The following AGRN variants were observed in gnomAD, a reference collection of about 807,000 sequenced individuals.
AGRN encodes the protein agrin.
Under a neutral mutation model 211.0 loss-of-function variants are expected in AGRN, and 106 were observed. That is an observed-to-expected ratio of 0.50 (90% CI 0.43 to 0.59). AGRN has a LOEUF of 0.59. Ranked by LOEUF, AGRN falls within the 20% of genes least tolerant of loss-of-function variation. The pLI, the probability that AGRN is intolerant of heterozygous loss-of-function variation, is 0.00. For synonymous variants in AGRN, 1,525 were observed against 1,332.5 expected (o/e 1.14, Z -3.15); for missense variants, 3,040 against 2,982.6 (o/e 1.02, Z -0.45).
chr1:1,035,171 G>T (rs80124228), intron 2 of AGRN, 106 bp from the exon 3 acceptor site: 9,709 of 53,724 alleles, frequency 0.18, 62 homozygotes, highest in South Asian at 0.39. Flanking sequence ...GCTAGCGGTG[G>T]GGGGGGGGGG....
At chr1:1,035,182 G>A in intron 2 of AGRN, 95 bp from the exon 3 acceptor site, 3 of 937,876 alleles carry the variant, frequency 3.2e-6, no homozygotes, top group East Asian at 3.6e-5. Context: ...GGGGGGGGGG[G>A]TGGGCAGGGG....
chr1:1,043,444 C>A lies in AGRN; in HGVS notation c.1590C>A (p.Arg530=), dbSNP rs1209446158. The A allele has an allele frequency of 6.2e-7, 1 of 1,606,772 alleles. No homozygotes were observed. Among genetic ancestry groups the A allele is most frequent in the Admixed American group, 1.7e-5 (1 of 59,674 alleles). Reference sequence around the variant, plus strand: ...TCGGGCGGGAGATCCAGGTGGCGCGCAAAGGACCCTGTGGTCAGTGGCGGG... The same window carrying A: ...TCGGGCGGGAGATCCAGGTGGCGCGAAAAGGACCCTGTGGTCAGTGGCGGG... ...CTLGREIQVA[R]KGPCDRCGQC... The change falls in exon 8 of 36, where the codon CGC becomes CGA. Residue 530 remains arginine (R), a synonymous_variant. Coordinates refer to ENST00000379370, the MANE Select transcript of AGRN (RefSeq NM_198576.4).
rs148157593 is a variant in AGRN, at chr1:1,035,284, C to G, written c.471C>G (p.Pro157=). 3 of 1,612,910 alleles carry G rather than the reference C, an allele frequency of 1.9e-6. No individual in the cohort carries two copies. The highest frequency in any genetic ancestry group is 1.3e-5 in the African/African-American group (1 of 74,888). ...GGATTTGTTTTCTTCCAGATAAACCCGGGACCCACTTCACTCCAGTGCCTC... is the reference window on the plus strand; with the variant it reads ...GGATTTGTTTTCTTCCAGATAAACCGGGGACCCACTTCACTCCAGTGCCTC... ...EEVEFCVEDK[P]GTHFTPVPPT... Residue 157 remains proline (P), a synonymous_variant, in exon 3 of 36, where the codon CCC becomes CCG. Transcript: ENST00000379370.
intron 2 of AGRN, among the ~76,000 whole-genome samples, chr1:1,022,925 G>C (rs1207388194): frequency 6.6e-6 from 1 of 152,258 alleles, no homozygotes; most frequent in Admixed American, 6.5e-5. Flanking sequence ...TGGAGGGTGT[G>C]GCATTTGCCA....
rs1645264004 is a variant in AGRN, at chr1:1,050,852, C to T, written c.5253+15C>T. 1.3e-6 allele frequency: 2 copies of T among 1,543,238 alleles called. No homozygotes were observed. The highest frequency in any genetic ancestry group is 1.9e-5 in the Admixed American group (1 of 51,558). On this transcript the variant is annotated intron_variant, in intron 30 of 35. Transcript: ENST00000379370. ...GGGAGTCCCCGGTGAGTGCTCTGGG[C>T]CGCGAGGGGACTCCCGCTGCTGCCT...
At chr1:1,029,587 G>A (rs538631692) in intron 2 of AGRN, among the ~76,000 whole-genome samples, 30 of 152,238 alleles carry the variant, frequency 2.0e-4, no homozygotes, top group Admixed American at 1.2e-3. Flanking sequence ...CCCATTGTGT[G>A]GCCGTGTGTG....
At chr1:1,047,504 T>C (rs746837566) in intron 20 of AGRN, 50 bp downstream of exon 20, 1 of 1,612,808 alleles carries the variant, frequency 6.2e-7, no homozygotes, top group East Asian at 2.2e-5. Context: ...CCTCCCCAGA[T>C]ACCCAGAGCA....
intron 3 of AGRN, 78 bp from the exon 4 acceptor site, chr1:1,040,587 C>T: frequency 6.7e-7 from 1 of 1,499,334 alleles, no homozygotes. Flanking sequence ...GGGCTGCGAG[C>T]ACGGCAAGGT....
intron 2 of AGRN, chr1:1,035,001 A>G: frequency 1.8e-6 from 1 of 546,452 alleles, no homozygotes; most frequent in Non-Finnish European, 3.3e-6. Flanking sequence ...CTTCCAGGGA[A>G]GGGGGTCCTG....
Position 1,044,239 on chromosome 1 carries a change from G to A in AGRN, c.2130G>A (p.Gln710=). The change falls in exon 11 of 36, where the codon CAG becomes CAA. Residue 710 remains glutamine, a synonymous_variant. Coordinates refer to ENST00000379370, the MANE Select transcript of AGRN (RefSeq NM_198576.4). The part of the protein sequence containing the change: ...DGPCVCDFSC[Q]SVPGSPVCGS... ...CGTGTGTCTGTGACTTCAGCTGCCA[G>A]AGTGTCCCAGGCAGCCCGGTGAGCT... 3 of 1,612,962 alleles carry A rather than the reference G, an allele frequency of 1.9e-6. No individual in the cohort carries two copies. Among genetic ancestry groups the A allele is most frequent in the Non-Finnish European group, 2.5e-6 (3 of 1,179,896 alleles).
rs781180196 is a variant in AGRN at position 1,041,501 on chromosome 1, G to C, written c.976G>C (p.Asp326His). 5 of 1,597,794 alleles carry C rather than the reference G, an allele frequency of 3.1e-6. No individual in the cohort carries two copies. The South Asian group carries it at 5.5e-5, about 18-fold the overall frequency. Residue 326 changes from aspartate to histidine, a missense_variant, in exon 6 of 36, where the codon GAC (aspartate) becomes CAC (histidine). Physicochemically the swap from Asp to His is moderately conservative, Grantham distance 81. Around this residue, in one of 3 missense-constraint regions of AGRN, gnomAD observed 1,498 missense variants for 1,457.8 expected, o/e 1.03. Transcript: ENST00000379370. ...AGACCCCTGTCAGGGCGCCCTCCCT[G>C]ACCCGAGCCGCAGCTGCCGTGTGAA... ...PCDPCQGALP[D>H]PSRSCRVNPR...
At position 1,046,885 on chromosome 1, in the gene AGRN, T is replaced by C; in HGVS notation, c.3316T>C (p.Tyr1106His). 2 of 1,586,442 alleles carry C rather than the reference T, an allele frequency of 1.3e-6. No homozygotes were observed. Among genetic ancestry groups the C allele is most frequent in the Non-Finnish European group, 1.7e-6 (2 of 1,167,878 alleles). Reference protein sequence around the residue: ...PGPPVERASCYNSALGCCSDG... With the variant: ...PGPPVERASCHNSALGCCSDG... ...GCCACCTGTCGAGAGGGCTTCCTGC[T>C]ACAACTCCGCGTTGGGCTGCTGCTC... Residue 1106 changes from tyrosine to histidine, a missense_variant, in exon 19 of 36, where the codon TAC becomes CAC. This residue lies in a region of AGRN where 1,537 missense variants were observed against 1,505.0 expected (regional missense o/e 1.02). Coordinates refer to ENST00000379370, the MANE Select transcript of AGRN (RefSeq NM_198576.4).
At chr1:1,027,299 T>A (rs2100578492) in intron 2 of AGRN, among the ~76,000 whole-genome samples, 1 of 152,358 alleles carries the variant, frequency 6.6e-6, no homozygotes, top group African/African-American at 2.4e-5. Context: ...TGTACCAGCC[T>A]GTGCACTTCA....
At chr1:1,034,565 C>T in intron 2 of AGRN, 1 of 986,572 alleles carries the variant, frequency 1.0e-6, no homozygotes, top group Non-Finnish European at 1.2e-6. Flanking sequence ...CATGCCTCCG[C>T]TGCCGCTGGC....
chr1:1,050,461 C>T lies in AGRN; in HGVS notation c.5011C>T (p.Arg1671Ter). 8 of 1,612,926 alleles carry T rather than the reference C, an allele frequency of 5.0e-6. No individual in the cohort carries two copies. Among genetic ancestry groups the T allele is most frequent in the Non-Finnish European group, 5.1e-6 (6 of 1,179,888 alleles). ...GGCGCTGGAGGTCGTGTTCCTGGCACGAGGCCCCAGCGGCCTCCTGCTCTA... is the reference window on the plus strand; with the variant it reads ...GGCGCTGGAGGTCGTGTTCCTGGCATGAGGCCCCAGCGGCCTCCTGCTCTA... ...KMALEVVFLA[R>*]GPSGLLLYNG... The change falls in exon 29 of 36, where the codon CGA (arginine) becomes TGA (stop). Residue 1671 changes from arginine (R) to a stop codon, truncating the protein, a stop_gained. Transcript: ENST00000379370. LOFTEE classifies it high-confidence loss of function.
chr1:1,035,288 A>AC lies in AGRN; in HGVS notation c.478dup (p.His160ProfsTer11). ...TTGTTTTCTTCCAGATAAACCCGGG[A>AC]CCCACTTCACTCCAGTGCCTCCGAC... On this transcript the variant is annotated frameshift_variant, in exon 3 of 36. Transcript: ENST00000379370. LOFTEE classifies it high-confidence loss of function. 1 of 1,612,852 alleles carries AC rather than the reference A, an allele frequency of 6.2e-7. No individual in the cohort carries two copies. The highest frequency in any genetic ancestry group is 2.2e-5 in the East Asian group (1 of 44,878).
chr1:1,030,475 T>C (rs1476999433), intron 2 of AGRN, among the ~76,000 whole-genome samples: 34 of 77,504 alleles, frequency 4.4e-4, no homozygotes, highest in South Asian at 1.4e-3. Context: ...GTGTGTGCAG[T>C]GCATGGTGCT....
In AGRN at chr1:1,047,675, C is replaced by T. The variant is rs2100665199; in HGVS notation, c.3619C>T (p.His1207Tyr). Residue 1207 changes from histidine to tyrosine, a missense_variant, in exon 21 of 36, where the codon CAC becomes TAC. Physicochemically the swap from His to Tyr is moderately conservative, Grantham distance 83. Transcript: ENST00000379370. ...ATCCGTCCGCGCCATTGTGGATGTG[C>T]ACTTTGACCCCAGTGAGACCTGCAC... ...GKSVRAIVDV[H>Y]FDPTTAFRAP... is the part of the protein sequence containing the mutation. 2 of 1,613,100 alleles carry T rather than the reference C, an allele frequency of 1.2e-6. No individual in the cohort carries two copies. Among genetic ancestry groups the T allele is most frequent in the Non-Finnish European group, 1.7e-6 (2 of 1,180,024 alleles).
chr1:1,023,320 C>T (rs936906785), intron 2 of AGRN, among the ~76,000 whole-genome samples: 3 of 152,200 alleles, frequency 2.0e-5, no homozygotes, highest in African/African-American at 7.2e-5. Flanking sequence ...CTGTCCACTG[C>T]TCTTGCCTTC....
Sources: gnomAD v4.1 joint callset for allele counts (sites outside exome capture counted in the v4.1 genomes callset) on GRCh38, gnomAD v4.1.1 for gene constraint, gnomAD v4.1.1 regional missense constraint, MANE v1.5 for transcripts, NCBI Gene and HGNC (gene_info 2026-07-23, HGNC 2026-07-21) for gene names.